The following ZNF284 variants were observed in gnomAD, a reference collection of about 807,000 sequenced individuals.
ZNF284 encodes zinc finger protein 284.
Under a neutral mutation model 12.9 loss-of-function variants are expected in ZNF284, and 12 were observed. The observed-to-expected ratio is 0.93, with a 90% confidence interval of 0.60 to 1.51. The LOEUF is 1.51. ZNF284 is among the 40% of genes most tolerant of loss of function. The pLI, the probability that ZNF284 is intolerant of heterozygous loss-of-function variation, is 0.00. For missense variants in ZNF284, 667 were observed against 707.3 expected, an observed-to-expected ratio of 0.94 and a Z score of 0.65; for synonymous variants, 225 against 236.5, an observed-to-expected ratio of 0.95 and a Z score of 0.45.
In ZNF284 at chr19:44,089,518, G is replaced by C. The variant is rs1410769582; in HGVS notation, c.*2258G>C. ...TGTAATGTCTCTGGTTAAATGAAAGGGTTTCAAATGTGAAGACAACCCTAA... is the reference window on the plus strand; with the variant it reads ...TGTAATGTCTCTGGTTAAATGAAAGCGTTTCAAATGTGAAGACAACCCTAA... On this transcript the variant is annotated 3_prime_UTR_variant, in exon 5 of 5. Coordinates refer to ENST00000421176, the MANE Select transcript of ZNF284 (RefSeq NM_001037813.4). The C allele has an allele frequency of 6.6e-6, 1 of 151,976 alleles. No individual in the cohort carries two copies. The highest frequency in any genetic ancestry group is 6.6e-5 in the Admixed American group (1 of 15,258). The allele number at this position is 151,976 out of a possible 1,614,324, so 9.4% of individuals were successfully genotyped here.
intron 1 of ZNF284, among the ~76,000 whole-genome samples, chr19:44,075,261 T>A (rs572481323): frequency 6.6e-6 from 1 of 152,372 alleles, no homozygotes; most frequent in South Asian, 2.1e-4. Flanking sequence ...TATTGTCACA[T>A]TTCTATACTT....
Position 44,083,481 on chromosome 19 carries a change from AGAGAGAGAGAGAGAGAGAGAGGGAAT to A in ZNF284, c.235+1378_235+1403del, listed in dbSNP as rs1177215668. ...TATATATATATATATATATAGAGAGAGAGAGAGAGAGAGAGAGAGAGGGAATGGAATACCATCCTATCTTTACCCTT... is the reference window on the plus strand; with the variant it reads ...TATATATATATATATATATAGAGAGAGGAATACCATCCTATCTTTACCCTT... On this transcript the variant is annotated intron_variant, in intron 4 of 4. Transcript: ENST00000421176. Among the ~76,000 whole-genome samples, 10 of 93,486 alleles carry A rather than the reference AGAGAGAGAGAGAGAGAGAGAGGGAAT, an allele frequency of 1.1e-4. 1 individual carries two copies. Among genetic ancestry groups the A allele is most frequent in the Non-Finnish European group, 2.2e-4 (9 of 40,954 alleles). The allele number at this position is 93,486 out of a possible 152,430, so 61.3% of individuals were successfully genotyped here.
rs750829571 is a variant in ZNF284, at chr19:44,087,025, G to A, written c.1547G>A (p.Cys516Tyr). The A allele has an allele frequency of 1.9e-6, 3 of 1,614,048 alleles. No individual in the cohort carries two copies. Among genetic ancestry groups the A allele is most frequent in the Non-Finnish European group, 2.5e-6 (3 of 1,180,024 alleles). ...TGEKPYKCEE[C>Y]GKGFRWASTH... is the part of the protein sequence containing the mutation. ...GAAAAGCCTTACAAATGTGAGGAGT[G>A]TGGAAAGGGATTCAGATGGGCCTCA... Residue 516 changes from cysteine to tyrosine, a missense_variant, in exon 5 of 5, where the codon TGT becomes TAT. Transcript: ENST00000421176.
chr19:44,085,299 A>G (rs975172869), intron 4 of ZNF284: 2 of 164,644 alleles, frequency 1.2e-5, no homozygotes, highest in African/African-American at 4.8e-5. Flanking sequence ...TGCTGAAGTG[A>G]GCACTACTCA....
At chr19:44,074,800 C>T (rs946706340) in intron 1 of ZNF284, among the ~76,000 whole-genome samples, 44 of 152,152 alleles carry the variant, frequency 2.9e-4, no homozygotes, top group African/African-American at 1.0e-3. Context: ...GAAACCCCAT[C>T]TCTACTAAAA....
At chr19:44,085,466 T>C (rs1599881334) in intron 4 of ZNF284, among the ~76,000 whole-genome samples, 1 of 152,230 alleles carries the variant, frequency 6.6e-6, no homozygotes, top group African/African-American at 2.4e-5. Context: ...AGGAAATTGG[T>C]AGAAATAGTA....
In ZNF284 at chr19:44,089,172, T is replaced by C. The variant is rs1432263893; in HGVS notation, c.*1912T>C. ...GTCTCTCGGTGTTGCCCAGGCTGGATTGCTTATTCACAGATGCAGTTACAG... is the reference window on the plus strand; with the variant it reads ...GTCTCTCGGTGTTGCCCAGGCTGGACTGCTTATTCACAGATGCAGTTACAG... On this transcript the variant is annotated 3_prime_UTR_variant, in exon 5 of 5. Coordinates refer to ENST00000421176, the MANE Select transcript of ZNF284 (RefSeq NM_001037813.4). 2 of 151,290 alleles carry C rather than the reference T, an allele frequency of 1.3e-5. No individual in the cohort carries two copies. Among genetic ancestry groups the C allele is most frequent in the African/African-American group, 4.9e-5 (2 of 41,018 alleles). 9.4% of individuals were successfully genotyped at this position (151,290 alleles called of 1,614,324 possible). A position where few individuals can be genotyped will look rare whatever the true frequency, so the allele number is the denominator to read the frequency against.
intron 1 of ZNF284, among the ~76,000 whole-genome samples, chr19:44,075,190 T>C (rs1351808858): frequency 6.6e-6 from 1 of 152,190 alleles, no homozygotes; most frequent in Non-Finnish European, 1.5e-5. Context: ...TCCTTATAAC[T>C]ATCCCTTGCC....
At chr19:44,082,784 A>T (rs553962590) in intron 4 of ZNF284, among the ~76,000 whole-genome samples, 92 of 151,678 alleles carry the variant, frequency 6.1e-4, no homozygotes, top group African/African-American at 2.1e-3. Flanking sequence ...GTCATCTGCC[A>T]CCCTTCTTAA....
Position 44,086,936 on chromosome 19 carries a change from A to G in ZNF284, c.1458A>G (p.Glu486=), listed in dbSNP as rs755514930. 9.3e-6 allele frequency: 15 copies of G among 1,614,230 alleles called. No homozygotes were observed. The highest frequency in any genetic ancestry group is 1.7e-4 in the Middle Eastern group (1 of 6,060). Residue 486 remains glutamate (E), a synonymous_variant, in exon 5 of 5, where the codon GAA becomes GAG. Transcript: ENST00000421176. Reference sequence around the variant, plus strand: ...CTGGAGAAAAACCATTCAAATGTGAAGAGTGTGGGAAGAGGTTTACTGAGA... The same window carrying G: ...CTGGAGAAAAACCATTCAAATGTGAGGAGTGTGGGAAGAGGTTTACTGAGA... The part of the protein sequence containing the change: ...LHTGEKPFKC[E]ECGKRFTENS...
At chr19:44,078,937 C>T (rs927405880) in intron 2 of ZNF284, among the ~76,000 whole-genome samples, 3 of 152,150 alleles carry the variant, frequency 2.0e-5, no homozygotes, top group African/African-American at 7.2e-5. Context: ...ATTATAGTCA[C>T]GTGCCACCAT....
At chr19:44,078,220 G>A (rs1282610874) in intron 2 of ZNF284, among the ~76,000 whole-genome samples, 1 of 152,134 alleles carries the variant, frequency 6.6e-6, no homozygotes, top group Non-Finnish European at 1.5e-5. Context: ...TATTTGAAAA[G>A]GTGATAGTAT....
chr19:44,078,582 C>T (rs1967069839), intron 2 of ZNF284, among the ~76,000 whole-genome samples: 1 of 152,126 alleles, frequency 6.6e-6, no homozygotes, highest in African/African-American at 2.4e-5. Flanking sequence ...CTGCCCCAGC[C>T]TCCCAAGTAG....
chr19:44,075,234 A>G (rs558986790), intron 1 of ZNF284, among the ~76,000 whole-genome samples: 2 of 152,222 alleles, frequency 1.3e-5, no homozygotes, highest in South Asian at 4.1e-4. Flanking sequence ...TCAAAGTCCA[A>G]TTTTATGCAT....
intron 1 of ZNF284, among the ~76,000 whole-genome samples, chr19:44,075,635 A>G (rs1476447326): frequency 6.6e-6 from 1 of 152,240 alleles, no homozygotes; most frequent in Non-Finnish European, 1.5e-5. Context: ...TACTGTAAAG[A>G]AGAGTTTCCA....
Position 44,086,819 on chromosome 19 carries a change from G to T in ZNF284, c.1341G>T (p.Arg447Ser). The T allele has an allele frequency of 6.2e-7, 1 of 1,614,100 alleles. No homozygotes were observed. The highest frequency in any genetic ancestry group is 8.5e-7 in the Non-Finnish European group (1 of 1,180,020). The change falls in exon 5 of 5, where the codon AGG becomes AGT. Residue 447 changes from arginine to serine, a missense_variant. Physicochemically the swap from Arg to Ser is moderately radical, Grantham distance 110. Coordinates refer to ENST00000421176, the MANE Select transcript of ZNF284 (RefSeq NM_001037813.4). Reference sequence around the variant, plus strand: ...AGTTTAATCTTGACTTGCACCAGAGGGTCCACACGGGAGAGAGACCTTATA... The same window carrying T: ...AGTTTAATCTTGACTTGCACCAGAGTGTCCACACGGGAGAGAGACCTTATA... Reference protein sequence around the residue: ...ISKFNLDLHQRVHTGERPYNC... With the variant: ...ISKFNLDLHQSVHTGERPYNC...
intron 4 of ZNF284, among the ~76,000 whole-genome samples, chr19:44,083,474 T>TATATATATATATAG (rs746837013): frequency 7.7e-5 from 5 of 64,922 alleles, no homozygotes; most frequent in South Asian, 6.8e-4. Flanking sequence ...TATATATATA[T>TATATATATATATAG]AGAGAGAGAG....
At chr19:44,073,873 A>G (rs1204220933) in intron 1 of ZNF284, among the ~76,000 whole-genome samples, 1 of 151,982 alleles carries the variant, frequency 6.6e-6, no homozygotes, top group Non-Finnish European at 1.5e-5. Flanking sequence ...TTTCTTTGGC[A>G]TATTTGCATA....
intron 2 of ZNF284, among the ~76,000 whole-genome samples, chr19:44,077,597 A>G (rs929778628): frequency 7.5e-6 from 1 of 133,388 alleles, no homozygotes; most frequent in African/African-American, 2.9e-5. Context: ...TCAAATGTCC[A>G]TGATATCAGA....
Sources: gnomAD v4.1 joint callset for allele counts (sites outside exome capture counted in the v4.1 genomes callset) on GRCh38, gnomAD v4.1.1 for gene constraint, MANE v1.5 for transcripts, NCBI Gene and HGNC (gene_info 2026-07-23, HGNC 2026-07-21) for gene names.